The following GGT5 variants were observed in gnomAD, a reference collection of about 807,000 sequenced individuals.
GGT5 encodes glutathione hydrolase 5 proenzyme.
GGT5 carries 50 observed loss-of-function variants against 58.1 expected under a neutral mutation model. That is an observed-to-expected ratio of 0.86 (90% CI 0.69 to 1.09). The LOEUF (loss-of-function observed/expected upper bound fraction) is 1.09, where lower values mean the gene tolerates loss of function less well. Among genes scored for constraint, GGT5 ranks in the 50% least tolerant of loss-of-function variants. The pLI is 0.00. For missense variants in GGT5, 800 were observed against 789.4 expected (o/e 1.01, Z -0.16); for synonymous variants, 370 against 346.1 (o/e 1.07, Z -0.77).
chr22:24,225,234 C>T lies in GGT5; in HGVS notation c.1503+11G>A, dbSNP rs759800101. 12 of 1,612,160 alleles carry T rather than the reference C, an allele frequency of 7.4e-6. No individual in the cohort carries two copies. In the South Asian group the frequency reaches 1.1e-4, roughly 15 times the overall value. ...GAGAGGAGACACTCGAGCCAGGAGCCCCAGACTCACCTGGGCCACAGCAGA... is the reference window on the plus strand; with the variant it reads ...GAGAGGAGACACTCGAGCCAGGAGCTCCAGACTCACCTGGGCCACAGCAGA... On this transcript the variant is annotated intron_variant, in intron 10 of 11. Transcript: ENST00000327365.
intron 9 of GGT5, 45 bp downstream of exon 9, chr22:24,225,501 G>C (rs1375963891): frequency 2.5e-6 from 4 of 1,584,146 alleles, no homozygotes; most frequent in South Asian, 1.1e-5. Context: ...CCTCTCCCCT[G>C]GTGGGGGGCC....
chr22:24,233,432 C>T (rs1027542813), intron 3 of GGT5, 66 bp downstream of exon 3: 51 of 860,942 alleles, frequency 5.9e-5, no homozygotes, highest in Non-Finnish European at 8.7e-5. Flanking sequence ...TGCTCCTTTG[C>T]GGGGGTGTTC....
intron 1 of GGT5, among the ~76,000 whole-genome samples, chr22:24,238,947 TA>T (rs1291735286): frequency 4.9e-4 from 20 of 40,988 alleles, no homozygotes; most frequent in South Asian, 6.8e-4. Flanking sequence ...ATAATATATA[TA>T]TATATATATA....
Position 24,225,622 on chromosome 22 carries a change from T to A in GGT5, c.1260A>T (p.Thr420=), listed in dbSNP as rs779215682. ...GGAGCTCGTTGTTGAGGATGATGCCTGTCCGTGGTGAATACACCATCGCTC... is the reference window on the plus strand; with the variant it reads ...GGAGCTCGTTGTTGAGGATGATGCCAGTCCGTGGTGAATACACCATCGCTC... ...PFGAMVYSPR[T]GIILNNELLD... is the part of the protein sequence containing the mutation. Residue 420 remains threonine (T), a synonymous_variant, in exon 9 of 12, where the codon ACA becomes ACT. Coordinates refer to ENST00000327365, the MANE Select transcript of GGT5 (RefSeq NM_004121.5). 7 of 1,612,946 alleles carry A rather than the reference T, an allele frequency of 4.3e-6. No homozygotes were observed. The East Asian group carries it at 1.3e-4, about 31-fold the overall frequency.
At chr22:24,234,163 C>A (rs518219) in intron 1 of GGT5, among the ~76,000 whole-genome samples, 159 bp from the exon 2 acceptor site, 18 of 152,232 alleles carry the variant, frequency 1.2e-4, no homozygotes, top group Non-Finnish European at 2.2e-4. Flanking sequence ...GCTTCCCCAT[C>A]AAATCCAGCT....
chr22:24,238,025 C>G (rs978317476), intron 1 of GGT5, among the ~76,000 whole-genome samples: 2 of 149,156 alleles, frequency 1.3e-5, no homozygotes, highest in Non-Finnish European at 3.0e-5. Flanking sequence ...GTCAGGAGTT[C>G]GAGACCAGCC....
chr22:24,221,988 G>A (rs1244224512), intron 11 of GGT5, among the ~76,000 whole-genome samples: 1 of 151,480 alleles, frequency 6.6e-6, no homozygotes, highest in Non-Finnish European at 1.5e-5. Context: ...AGACCAGCCT[G>A]GCCAACATGG....
chr22:24,234,707 C>G (rs979126402), intron 1 of GGT5, among the ~76,000 whole-genome samples: 1 of 152,138 alleles, frequency 6.6e-6, no homozygotes, highest in African/African-American at 2.4e-5. Context: ...GTAATCCCAG[C>G]TACGCAGGAG....
intron 1 of GGT5, among the ~76,000 whole-genome samples, chr22:24,239,953 G>T (rs2048284676): frequency 6.6e-6 from 1 of 152,062 alleles, no homozygotes. Flanking sequence ...GGGCATAGTG[G>T]TGCACACCAG....
At chr22:24,242,336 C>T (rs1465479857) in intron 1 of GGT5, 3 of 152,106 alleles carry the variant, frequency 2.0e-5, no homozygotes, top group African/African-American at 7.2e-5. Context: ...CCGTGACTCA[C>T]TCCTGTAATC....
chr22:24,244,127 C>G (rs573830017), intron 1 of GGT5: 2 of 167,938 alleles, frequency 1.2e-5, no homozygotes, highest in South Asian at 3.2e-4. Context: ...ATCCTGGAGC[C>G]AGGCGTGGAC....
At chr22:24,238,634 G>A (rs2048169695) in intron 1 of GGT5, among the ~76,000 whole-genome samples, 1 of 135,450 alleles carries the variant, frequency 7.4e-6, no homozygotes, top group Non-Finnish European at 1.6e-5. Context: ...AACCCGGGAG[G>A]CAGAAGTTGC....
chr22:24,233,719 CA>C (rs1569365753), intron 2 of GGT5, 126 bp from the exon 3 acceptor site: 1 of 882,922 alleles, frequency 1.1e-6, no homozygotes, highest in Non-Finnish European at 1.8e-6. Flanking sequence ...CAGGAGTTGA[CA>C]CAAGGGCTTT....
Position 24,244,553 on chromosome 22 carries a change from C to G in GGT5, c.173G>C (p.Arg58Pro). The change falls in exon 1 of 12, where the codon CGA (arginine) becomes CCA (proline). Residue 58 changes from arginine (R) to proline (P), a missense_variant and splice_region_variant. Physicochemically the swap from Arg to Pro is moderately radical, Grantham distance 103 (BLOSUM62 -2). Transcript: ENST00000327365. ...ADSKVCSDIGRAILQQQGSPV... is the reference protein window; with the variant it reads ...ADSKVCSDIGPAILQQQGSPV... The stretch of plus-strand genomic sequence containing the variant: ...CAGCTTCCTCCCACGTCTCACTCAC[C>G]GTCCAATATCCGAGCAGACCTTGGA... The G allele has an allele frequency of 6.2e-7, 1 of 1,609,894 alleles. No homozygotes were observed. The highest frequency in any genetic ancestry group is 8.5e-7 in the Non-Finnish European group (1 of 1,178,098).
At chr22:24,220,266 G>A (rs1276881585) in intron 11 of GGT5, 150 bp from the exon 12 acceptor site, 2 of 721,702 alleles carry the variant, frequency 2.8e-6, no homozygotes, top group East Asian at 5.4e-5. Context: ...AGGACCAGAT[G>A]GGAGCATGGA....
Position 24,219,897 on chromosome 22 carries a change from TC to T in GGT5, c.*72del. ...GTCCAGATCCTGCCAGAGTAGTTGG[TC>T]CCCCAGCCATGTCCGGCCTGGACAC... is the stretch of plus-strand genomic sequence containing the variant. On this transcript the variant is annotated 3_prime_UTR_variant, in exon 12 of 12. Transcript: ENST00000327365. The T allele has an allele frequency of 2.0e-6, 3 of 1,465,848 alleles. No individual in the cohort carries two copies. In the South Asian group the frequency reaches 3.5e-5, roughly 17 times the overall value. 90.8% of individuals were successfully genotyped at this position (1,465,848 alleles called of 1,614,324 possible).
Position 24,244,781 on chromosome 22 carries a change from G to T in GGT5, c.-56C>A. 1 of 1,537,736 alleles carries T rather than the reference G, an allele frequency of 6.5e-7. No homozygotes were observed. Among genetic ancestry groups the T allele is most frequent in the Admixed American group, 2.0e-5 (1 of 49,294 alleles). Reference sequence around the variant, plus strand: ...TGGTGGGCAGACGGAGGGACGGATGGGTGGGCAGATGAATGGACAAGAAGA... The same window carrying T: ...TGGTGGGCAGACGGAGGGACGGATGTGTGGGCAGATGAATGGACAAGAAGA... On this transcript the variant is annotated 5_prime_UTR_variant, in exon 1 of 12. Transcript: ENST00000327365.
intron 6 of GGT5, 115 bp from the exon 7 acceptor site, chr22:24,226,882 G>T: frequency 5.2e-6 from 4 of 775,182 alleles, no homozygotes; most frequent in South Asian, 1.6e-5. Context: ...CAAAACCTGT[G>T]GATATTACCT....
At chr22:24,235,225 AT>A (rs1297118164) in intron 1 of GGT5, among the ~76,000 whole-genome samples, 4 of 151,726 alleles carry the variant, frequency 2.6e-5, no homozygotes. Flanking sequence ...CGCCTGACTA[AT>A]TTTGTATTTT....
Sources: gnomAD v4.1 joint callset for allele counts (sites outside exome capture counted in the v4.1 genomes callset) on GRCh38, gnomAD v4.1.1 for gene constraint, MANE v1.5 for transcripts, NCBI Gene and HGNC (gene_info 2026-07-23, HGNC 2026-07-21) for gene names.